The following JARID2 variants were observed in gnomAD, a reference collection of about 807,000 sequenced individuals.
The protein encoded by JARID2 is jumonji and AT-rich interaction domain containing 2.
A neutral mutation model predicts 125.6 loss-of-function variants in JARID2; 21 were observed. The observed-to-expected ratio is 0.17, with a 90% CI of 0.12 to 0.24. The LOEUF (loss-of-function observed/expected upper bound fraction) is 0.24, where lower values mean the gene tolerates loss of function less well. Ranked by LOEUF, JARID2 falls within the 10% of genes least tolerant of loss-of-function variation. JARID2 has a pLI of 1.00. For synonymous variants in JARID2, 736 were observed against 661.6 expected, an observed-to-expected ratio of 1.11 and a Z score of -1.73; for missense variants, 1,303 against 1,639.6, an observed-to-expected ratio of 0.79 and a Z score of 3.55.
intron 1 of JARID2, among the ~76,000 whole-genome samples, chr6:15,295,812 C>T (rs1037449493): frequency 3.3e-5 from 5 of 152,222 alleles, no homozygotes; most frequent in Non-Finnish European, 7.4e-5. Context: ...TACAGGTGTG[C>T]GCCACCATGC....
rs748629134 is a variant in JARID2, at chr6:15,373,995, A to G, written c.46-122A>G. 2.4e-4 allele frequency: 264 copies of G among 1,089,396 alleles called. 1 individual carries two copies. Among genetic ancestry groups the G allele is most frequent in the Middle Eastern group, 2.6e-4 (1 of 3,866 alleles). The allele number at this position is 1,089,396 out of a possible 1,614,324, so 67.5% of individuals were successfully genotyped here. A position where few individuals can be genotyped will look rare whatever the true frequency, so the allele number is the denominator to read the frequency against. The stretch of plus-strand genomic sequence containing the variant: ...CCTTATGGGTGTAATTCTGACATTG[A>G]GAACTGGGTCGTGGTCACACAGTAC... On this transcript the variant is annotated intron_variant, in intron 1 of 17. Coordinates refer to ENST00000341776, the MANE Select transcript of JARID2 (RefSeq NM_004973.4).
chr6:15,509,534 C>T lies in JARID2; in HGVS notation c.2846+1080C>T, dbSNP rs992325488. Among the ~76,000 whole-genome samples the T allele has an allele frequency of 3.3e-5, 5 of 149,704 alleles. No homozygotes were observed. In the East Asian group the frequency reaches 7.7e-4, roughly 23 times the overall value. On this transcript the variant is annotated intron_variant, in intron 12 of 17. Transcript: ENST00000341776. The stretch of plus-strand genomic sequence containing the variant: ...TGCAGTGGGTCCAGAGTGATGGGCC[C>T]GGGAAGCCCAGGCTGTTGCCTGTGG...
intron 2 of JARID2, among the ~76,000 whole-genome samples, chr6:15,384,476 C>T (rs925611649): frequency 7.9e-5 from 12 of 151,926 alleles, no homozygotes; most frequent in Admixed American, 5.9e-4. Flanking sequence ...CCCCTTCTTC[C>T]CTTTTTCAAT....
At chr6:15,353,313 G>A (rs1561809415) in intron 1 of JARID2, among the ~76,000 whole-genome samples, 1 of 152,290 alleles carries the variant, frequency 6.6e-6, no homozygotes, top group South Asian at 2.1e-4. Flanking sequence ...ATGTTTTCAT[G>A]TGTTTATTGT....
intron 3 of JARID2, among the ~76,000 whole-genome samples, chr6:15,417,317 T>C (rs1286523677): frequency 1.3e-5 from 2 of 150,026 alleles, no homozygotes; most frequent in Non-Finnish European, 2.9e-5. Context: ...ACAGGTATTG[T>C]ATCATACCTG....
chr6:15,313,231 G>A (rs1762074591), intron 1 of JARID2, among the ~76,000 whole-genome samples: 1 of 152,162 alleles, frequency 6.6e-6, no homozygotes, highest in Non-Finnish European at 1.5e-5. Flanking sequence ...CAAGGAAACA[G>A]GAAAAATCTC....
intron 1 of JARID2, chr6:15,324,593 T>C (rs965787484): frequency 7.9e-5 from 12 of 151,712 alleles, no homozygotes; most frequent in Admixed American, 2.6e-4. Context: ...TCTCCTGTCT[T>C]GGCCTCCCAA....
chr6:15,458,910 T>TTGC (rs1768318970), intron 4 of JARID2, among the ~76,000 whole-genome samples: 1 of 152,234 alleles, frequency 6.6e-6, no homozygotes, highest in Non-Finnish European at 1.5e-5. Context: ...TGCCCTGGGC[T>TTGC]AGTTACTGGA....
chr6:15,447,323 A>C (rs539421922), intron 3 of JARID2, among the ~76,000 whole-genome samples: 219 of 152,190 alleles, frequency 1.4e-3, no homozygotes, highest in Non-Finnish European at 2.3e-3. Flanking sequence ...TAAAGGGTAC[A>C]TGTGGAGTTC....
chr6:15,442,043 T>C (rs1373058896), intron 3 of JARID2, among the ~76,000 whole-genome samples: 1 of 151,996 alleles, frequency 6.6e-6, no homozygotes, highest in Non-Finnish European at 1.5e-5. Context: ...TGGCCTGGAT[T>C]TTTATTTTTT....
chr6:15,301,279 C>T (rs954699785), intron 1 of JARID2, among the ~76,000 whole-genome samples: 3 of 152,018 alleles, frequency 2.0e-5, no homozygotes, highest in Non-Finnish European at 2.9e-5. Context: ...CACAGAGTGC[C>T]GAGAGTATTA....
At chr6:15,383,431 C>G (rs549714766) in intron 2 of JARID2, among the ~76,000 whole-genome samples, 2 of 152,170 alleles carry the variant, frequency 1.3e-5, no homozygotes, top group South Asian at 4.1e-4. Flanking sequence ...ATTTACCTCT[C>G]TTTACTGGTT....
chr6:15,402,428 T>G (rs2237153), intron 2 of JARID2, among the ~76,000 whole-genome samples: 60,234 of 152,022 alleles, frequency 0.4, 12,110 homozygotes, highest in Admixed American at 0.48. Context: ...TCTGTGAACA[T>G]GCTGTGTTCA....
intron 1 of JARID2, among the ~76,000 whole-genome samples, chr6:15,316,242 C>T (rs1231082233): frequency 6.6e-6 from 1 of 152,054 alleles, no homozygotes; most frequent in East Asian, 1.9e-4. Context: ...GCCTCAGCCT[C>T]CCTAGTAGCT....
At position 15,304,821 on chromosome 6, in the gene JARID2, G is replaced by T. The variant is rs369682900; in HGVS notation, c.45+58237G>T. Among the ~76,000 whole-genome samples, 17 of 152,170 alleles carry T rather than the reference G, an allele frequency of 1.1e-4. 1 individual carries two copies. Among genetic ancestry groups the T allele is most frequent in the Admixed American group, 8.5e-4 (13 of 15,272 alleles). ...TCCTGGGAGTCCATGGGTGTGTCCAGTGCTGGCAGGGGGCACCATCAGGTT... is the reference window on the plus strand; with the variant it reads ...TCCTGGGAGTCCATGGGTGTGTCCATTGCTGGCAGGGGGCACCATCAGGTT... On this transcript the variant is annotated intron_variant, in intron 1 of 17. Transcript: ENST00000341776.
chr6:15,400,158 C>G (rs1226316312), intron 2 of JARID2, among the ~76,000 whole-genome samples: 1 of 152,052 alleles, frequency 6.6e-6, no homozygotes, highest in South Asian at 2.1e-4. Flanking sequence ...TAGATTAGAT[C>G]AATTTATGTG....
chr6:15,355,823 C>G (rs1763580528), intron 1 of JARID2, among the ~76,000 whole-genome samples: 1 of 152,206 alleles, frequency 6.6e-6, no homozygotes, highest in South Asian at 2.1e-4. Flanking sequence ...GTTGGCCAGG[C>G]TGGTCTCAAA....
chr6:15,264,606 G>A (rs1235207729), intron 1 of JARID2, among the ~76,000 whole-genome samples: 1 of 107,216 alleles, frequency 9.3e-6, no homozygotes, highest in Non-Finnish European at 2.0e-5. Flanking sequence ...TTAGAAGGTA[G>A]GTGTGAGTGT....
chr6:15,452,232 G>A (rs1440066141), intron 4 of JARID2, 57 bp downstream of exon 4: 3 of 1,592,734 alleles, frequency 1.9e-6, no homozygotes, highest in South Asian at 2.3e-5. Flanking sequence ...TAAGCCTGAG[G>A]TCTACGTGGA....
Sources: allele counts gnomAD v4.1 joint callset (sites outside exome capture counted in the v4.1 genomes callset), GRCh38; gene constraint gnomAD v4.1.1; transcripts MANE v1.5; gene names NCBI Gene and HGNC (gene_info 2026-07-23, HGNC 2026-07-21).